The following CSMD3 variants were observed in gnomAD, a reference collection of about 807,000 sequenced individuals.
The protein encoded by CSMD3 is CUB and Sushi multiple domains 3.
Under a neutral mutation model 435.2 loss-of-function variants are expected in CSMD3, and 177 were observed. That is an observed-to-expected ratio of 0.41 (90% CI 0.36 to 0.46). The LOEUF is 0.46. Among genes scored for constraint, CSMD3 ranks in the 20% least tolerant of loss-of-function variants. The probability of loss-of-function intolerance (pLI) is 0.34; values close to 1 mark genes in which losing one functional copy is unlikely to be tolerated. For synonymous variants in CSMD3, 1,656 were observed against 1,520.5 expected (o/e 1.09, Z -2.07); for missense variants, 4,265 against 4,504.6 (o/e 0.95, Z 1.52).
rs1387579755 is a variant in CSMD3 at position 112,636,845 on chromosome 8, C to T, written c.3687G>A (p.Val1229=). 3 of 1,612,278 alleles carry T rather than the reference C, an allele frequency of 1.9e-6. No homozygotes were observed. The highest frequency in any genetic ancestry group is 1.3e-5 in the African/African-American group (1 of 74,444). Reference sequence around the variant, plus strand: ...CACACCTTGGCAGAGGTGCACTCCACACTCGTCGGCCACCACCAAGACAGA... The same window carrying T: ...CACACCTTGGCAGAGGTGCACTCCATACTCGTCGGCCACCACCAAGACAGA... ...EIICLGGGRR[V]WSAPLPRCVA... Residue 1229 remains valine (V), a synonymous_variant, in exon 22 of 71, where the codon GTG becomes GTA. Transcript: ENST00000297405.
intron 3 of CSMD3, among the ~76,000 whole-genome samples, chr8:113,206,020 A>G (rs1047380065): frequency 6.6e-6 from 1 of 151,998 alleles, no homozygotes; most frequent in Non-Finnish European, 1.5e-5. Context: ...GACCACAGCT[A>G]AGCTCCTTTG....
intron 22 of CSMD3, among the ~76,000 whole-genome samples, chr8:112,613,935 C>T (rs143992989): frequency 0.011 from 1,722 of 152,072 alleles, 32 homozygotes; most frequent in African/African-American, 0.038. Flanking sequence ...CCAACCTGTG[C>T]AACAAAGCAA....
At chr8:113,139,813 C>T (rs1235227779) in intron 4 of CSMD3, among the ~76,000 whole-genome samples, 5 of 150,880 alleles carry the variant, frequency 3.3e-5, no homozygotes, top group African/African-American at 1.2e-4. Context: ...TATAAGAATC[C>T]CACTTCAAAT....
intron 7 of CSMD3, among the ~76,000 whole-genome samples, chr8:112,958,697 T>C (rs2084122551): frequency 6.6e-6 from 1 of 152,238 alleles, no homozygotes; most frequent in Non-Finnish European, 1.5e-5. Context: ...ACTATAAAAA[T>C]TAACCATATA....
intron 46 of CSMD3, among the ~76,000 whole-genome samples, chr8:112,319,394 G>A (rs550713688): frequency 1.3e-5 from 2 of 151,904 alleles, no homozygotes; most frequent in Non-Finnish European, 1.5e-5. Flanking sequence ...AGATGTCTTC[G>A]TATATAATTT....
chr8:112,373,787 C>G (rs149163287), intron 38 of CSMD3, among the ~76,000 whole-genome samples: 1 of 152,002 alleles, frequency 6.6e-6, no homozygotes, highest in African/African-American at 2.4e-5. Context: ...GATTATTGGG[C>G]GGGCGGGAAT....
At chr8:113,014,814 G>A (rs1250349344) in intron 6 of CSMD3, among the ~76,000 whole-genome samples, 1 of 152,094 alleles carries the variant, frequency 6.6e-6, no homozygotes, top group South Asian at 2.1e-4. Flanking sequence ...ATGTGTGTGT[G>A]CACACGTGCT....
intron 22 of CSMD3, among the ~76,000 whole-genome samples, chr8:112,593,101 G>T (rs1297688173): frequency 2.0e-5 from 3 of 152,164 alleles, no homozygotes; most frequent in Non-Finnish European, 4.4e-5. Context: ...TTGAATGAAA[G>T]TATAAATAGG....
At chr8:112,803,295 G>T (rs1244480275) in intron 12 of CSMD3, among the ~76,000 whole-genome samples, 1 of 152,056 alleles carries the variant, frequency 6.6e-6, no homozygotes, top group East Asian at 1.9e-4. Context: ...TCAAAGCAAT[G>T]GTGTTTTAGA....
At chr8:112,902,871 T>C (rs1339295758) in intron 10 of CSMD3, among the ~76,000 whole-genome samples, 1 of 151,282 alleles carries the variant, frequency 6.6e-6, no homozygotes. Context: ...TTGAGAGTTG[T>C]TGAGAGTTGG....
intron 13 of CSMD3, among the ~76,000 whole-genome samples, chr8:112,788,208 C>A (rs2132276942): frequency 6.6e-6 from 1 of 152,258 alleles, no homozygotes; most frequent in African/African-American, 2.4e-5. Context: ...GGGAAACCTG[C>A]ATACATGAAA....
intron 1 of CSMD3, among the ~76,000 whole-genome samples, chr8:113,342,182 G>A (rs138230251): frequency 6.6e-6 from 1 of 152,072 alleles, no homozygotes; most frequent in Admixed American, 6.6e-5. Context: ...AAACTGTGTC[G>A]GAAAGCCTAT....
chr8:112,909,520 G>A (rs1021055924), intron 10 of CSMD3, among the ~76,000 whole-genome samples: 2 of 151,544 alleles, frequency 1.3e-5, no homozygotes, highest in Non-Finnish European at 2.9e-5. Flanking sequence ...TAAAAGCAAC[G>A]AATATGTTGA....
At chr8:112,530,831 C>G (rs1380667919) in intron 27 of CSMD3, among the ~76,000 whole-genome samples, 1 of 152,172 alleles carries the variant, frequency 6.6e-6, no homozygotes, top group Non-Finnish European at 1.5e-5. Context: ...ATTCTTACAC[C>G]AGGCAAGATA....
chr8:112,298,066 CAAAAAAA>C (rs35232021), intron 53 of CSMD3, among the ~76,000 whole-genome samples: 11 of 93,586 alleles, frequency 1.2e-4, no homozygotes, highest in South Asian at 4.1e-4. Flanking sequence ...TGCCATTGCA[CAAAAAAA>C]AAAAAAAAAA....
chr8:112,447,717 C>T (rs892607881), intron 32 of CSMD3, among the ~76,000 whole-genome samples: 1 of 152,058 alleles, frequency 6.6e-6, no homozygotes, highest in Non-Finnish European at 1.5e-5. Context: ...CATTTGTGCA[C>T]AAAAATAACT....
At chr8:112,752,480 G>A (rs2077592719) in intron 13 of CSMD3, among the ~76,000 whole-genome samples, 1 of 152,150 alleles carries the variant, frequency 6.6e-6, no homozygotes, top group African/African-American at 2.4e-5. Context: ...AAAAGCTAAA[G>A]TTTAGCTAAT....
intron 10 of CSMD3, among the ~76,000 whole-genome samples, chr8:112,859,728 C>A (rs987872366): frequency 6.6e-6 from 1 of 151,488 alleles, no homozygotes; most frequent in Non-Finnish European, 1.5e-5. Flanking sequence ...GTACTTATAA[C>A]TATGAATTAA....
intron 32 of CSMD3, among the ~76,000 whole-genome samples, chr8:112,461,956 G>C (rs1287004762): frequency 1.3e-5 from 2 of 152,100 alleles, no homozygotes; most frequent in Non-Finnish European, 2.9e-5. Flanking sequence ...TTCAAAAGTA[G>C]ATTTCACCTA....
Sources: gnomAD v4.1 joint callset for allele counts (sites outside exome capture counted in the v4.1 genomes callset) on GRCh38, gnomAD v4.1.1 for gene constraint, MANE v1.5 for transcripts, NCBI Gene and HGNC (gene_info 2026-07-23, HGNC 2026-07-21) for gene names.